FRMPD4: variants seen among roughly 807,000 people sequenced by gnomAD.
The protein encoded by FRMPD4 is FERM and PDZ domain-containing protein 4.
A neutral mutation model predicts 94.1 loss-of-function variants in FRMPD4; 22 were observed. That is an observed-to-expected ratio of 0.23 (90% CI 0.17 to 0.33). The LOEUF is 0.33. FRMPD4 is among the 10% of genes least tolerant of loss of function. The probability of loss-of-function intolerance (pLI) is 1.00; values close to 1 mark genes in which losing one functional copy is unlikely to be tolerated. For missense variants in FRMPD4, 1,111 were observed against 1,339.9 expected (o/e 0.83, Z 2.67); for synonymous variants, 631 against 548.6 (o/e 1.15, Z -2.10).
chrX:12,629,076 A>G (rs1169746901), intron 4 of FRMPD4, among the ~76,000 whole-genome samples: 1 of 112,108 alleles, frequency 8.9e-6, no homozygotes, highest in Non-Finnish European at 1.9e-5. Flanking sequence ...TCATGATTCA[A>G]TTATTTTCCA....
chrX:12,204,897 T>C (rs1214879354), intron 1 of FRMPD4, among the ~76,000 whole-genome samples: 1 of 110,881 alleles, frequency 9.0e-6, no homozygotes, highest in Non-Finnish European at 1.9e-5. Flanking sequence ...AATGCTTATC[T>C]TGAATTTACA....
intron 1 of FRMPD4, among the ~76,000 whole-genome samples, chrX:12,172,957 G>A (rs969672063): frequency 8.9e-6 from 1 of 112,746 alleles, no homozygotes; most frequent in African/African-American, 3.2e-5. Flanking sequence ...CTTTACATTT[G>A]CATAACTAAA....
intron 3 of FRMPD4, among the ~76,000 whole-genome samples, chrX:12,121,982 T>C (rs1038160988): frequency 8.9e-6 from 1 of 112,016 alleles, no homozygotes; most frequent in African/African-American, 3.2e-5. Flanking sequence ...GTGTGAGACA[T>C]TGGTGGGGGC....
Position 12,305,725 on chromosome X carries a change from G to GTTTTTTTT in FRMPD4, c.41+166728_41+166735dup, listed in dbSNP as rs58794898. On this transcript the variant is annotated intron_variant, in intron 1 of 16. Coordinates refer to ENST00000675598, the MANE Select transcript of FRMPD4 (RefSeq NM_001368397.1). ...GGCATGTACCACCACAGCTGGCTAA[G>GTTTTTTTT]TTTTTTTTTTTTTTTTTTTTTTACA... Among the ~76,000 whole-genome samples the GTTTTTTTT allele has an allele frequency of 1.0e-3, 60 of 59,693 alleles. 2 individuals are homozygous for GTTTTTTTT. The highest frequency in any genetic ancestry group is 1.4e-3 in the African/African-American group (19 of 13,235). The allele number at this position is 59,693 out of a possible 115,157, so 51.8% of individuals were successfully genotyped here. A position where few individuals can be genotyped will look rare whatever the true frequency, so the allele number is the denominator to read the frequency against.
At chrX:12,680,120 T>C (rs1248552090) in intron 5 of FRMPD4, among the ~76,000 whole-genome samples, 1 of 112,464 alleles carries the variant, frequency 8.9e-6, no homozygotes, top group Non-Finnish European at 1.9e-5. Flanking sequence ...TTTCAAGCTA[T>C]GTTCTAGTAA....
At chrX:12,625,054 C>G (rs991903445) in intron 4 of FRMPD4, among the ~76,000 whole-genome samples, 2 of 111,511 alleles carry the variant, frequency 1.8e-5, no homozygotes, top group African/African-American at 6.5e-5. Flanking sequence ...CACTAATCAC[C>G]AGAGAAATAC....
chrX:12,303,350 G>A (rs759535225), intron 1 of FRMPD4, among the ~76,000 whole-genome samples: 11 of 112,021 alleles, frequency 9.8e-5, no homozygotes, highest in Non-Finnish European at 1.7e-4. Flanking sequence ...AGATAACATA[G>A]ATGGAGAGTA....
chrX:12,037,924 A>G (rs1325113526), intron 3 of FRMPD4, among the ~76,000 whole-genome samples: 2 of 111,783 alleles, frequency 1.8e-5, no homozygotes, highest in African/African-American at 3.3e-5. Context: ...ATTCTTTTCT[A>G]TGATGAGTTT....
chrX:12,467,997 A>G (rs2057467394), intron 1 of FRMPD4, among the ~76,000 whole-genome samples: 2 of 112,367 alleles, frequency 1.8e-5, no homozygotes, highest in Non-Finnish European at 3.8e-5. Context: ...CTTCATGAAA[A>G]GGTCCATTTT....
intron 3 of FRMPD4, among the ~76,000 whole-genome samples, chrX:11,889,742 G>C (rs2053864218): frequency 8.9e-6 from 1 of 112,055 alleles, no homozygotes; most frequent in Non-Finnish European, 1.9e-5. Flanking sequence ...ACGTAAAGCT[G>C]GGAAGTCAAC....
chrX:12,051,235 G>T (rs1056879455), intron 3 of FRMPD4, among the ~76,000 whole-genome samples: 1 of 111,844 alleles, frequency 8.9e-6, no homozygotes, highest in Non-Finnish European at 1.9e-5. Context: ...AGTACATACA[G>T]AGAAATATGT....
At chrX:12,043,822 T>C (rs908076604) in intron 3 of FRMPD4, among the ~76,000 whole-genome samples, 15 of 110,122 alleles carry the variant, frequency 1.4e-4, no homozygotes, top group Admixed American at 5.8e-4. Flanking sequence ...AGCAAAATTA[T>C]TTTTTTTTCA....
At chrX:12,317,799 C>T (rs762207015) in intron 1 of FRMPD4, among the ~76,000 whole-genome samples, 8 of 111,257 alleles carry the variant, frequency 7.2e-5, no homozygotes, top group East Asian at 5.6e-4. Flanking sequence ...TATCAAAAGA[C>T]GGAAAATAAC....
intron 3 of FRMPD4, among the ~76,000 whole-genome samples, chrX:12,018,009 A>C (rs986828003): frequency 2.7e-5 from 3 of 111,764 alleles, no homozygotes; most frequent in Non-Finnish European, 3.8e-5. Context: ...CACCTCTTCC[A>C]CAAGGAGTTT....
chrX:12,127,690 C>T (rs770425702), intron 3 of FRMPD4, among the ~76,000 whole-genome samples: 6 of 111,895 alleles, frequency 5.4e-5, no homozygotes, highest in Non-Finnish European at 9.4e-5. Flanking sequence ...CAGCATTAAC[C>T]CAAAAGTCCA....
chrX:12,018,136 G>GA (rs1300900105), intron 3 of FRMPD4, among the ~76,000 whole-genome samples: 2,440 of 102,677 alleles, frequency 0.024, 67 homozygotes, highest in African/African-American at 0.078. Context: ...ACTACAGTGG[G>GA]AAAAAAAAAA....
intron 1 of FRMPD4, among the ~76,000 whole-genome samples, chrX:12,474,731 G>C (rs978832443): frequency 9.0e-5 from 10 of 111,413 alleles, no homozygotes; most frequent in Admixed American, 8.6e-4. Flanking sequence ...TAAATTCCTC[G>C]ACACATACAC....
intron 1 of FRMPD4, among the ~76,000 whole-genome samples, chrX:12,180,773 A>G (rs1433174246): frequency 8.9e-6 from 1 of 112,629 alleles, no homozygotes; most frequent in Admixed American, 9.4e-5. Context: ...GAAAGCAGCC[A>G]TAGACAGTAT....
At chrX:12,397,273 AT>A (rs1189147182) in intron 1 of FRMPD4, among the ~76,000 whole-genome samples, 1 of 111,043 alleles carries the variant, frequency 9.0e-6, no homozygotes, top group East Asian at 2.8e-4. Flanking sequence ...AAAAAAAAAA[AT>A]ACATGTTTAT....
Sources: allele counts gnomAD v4.1 joint callset (sites outside exome capture counted in the v4.1 genomes callset), GRCh38; gene constraint gnomAD v4.1.1; transcripts MANE v1.5; gene names NCBI Gene and HGNC (gene_info 2026-07-23, HGNC 2026-07-21).